Variants in PTPRD observed in about 807,000 individuals in gnomAD.
The protein encoded by PTPRD is receptor-type tyrosine-protein phosphatase delta.
In PTPRD, 34 loss-of-function variants were observed where a neutral mutation model predicts 214.5. The ratio of observed to expected loss-of-function variants is 0.16; its 90% CI spans 0.12 to 0.21. PTPRD has a LOEUF of 0.21. PTPRD is among the 10% of genes least tolerant of loss of function. The probability of loss-of-function intolerance (pLI) is 1.00; values close to 1 mark genes in which losing one functional copy is unlikely to be tolerated. For synonymous variants in PTPRD, 1,128 were observed against 845.7 expected (o/e 1.33, Z -5.79); for missense variants, 2,545 against 2,398.7 (o/e 1.06, Z -1.27).
At chr9:10,142,110 T>A (rs972346269) in intron 3 of PTPRD, among the ~76,000 whole-genome samples, 1 of 152,012 alleles carries the variant, frequency 6.6e-6, no homozygotes, top group Admixed American at 6.6e-5. Flanking sequence ...TTACACCTTA[T>A]ACAAAAATCA....
At chr9:10,559,824 G>C (rs972727982) in intron 2 of PTPRD, among the ~76,000 whole-genome samples, 2 of 152,024 alleles carry the variant, frequency 1.3e-5, no homozygotes, top group Non-Finnish European at 2.9e-5. Flanking sequence ...ACCATCACTG[G>C]CCATCAGAGA....
At chr9:8,962,679 T>C (rs572284867) in intron 11 of PTPRD, 1 of 152,238 alleles carries the variant, frequency 6.6e-6, no homozygotes, top group African/African-American at 2.4e-5. Flanking sequence ...AAAATTACCA[T>C]ATTCTAAAAT....
At chr9:9,035,666 C>G (rs569963340) in intron 10 of PTPRD, among the ~76,000 whole-genome samples, 1 of 151,494 alleles carries the variant, frequency 6.6e-6, no homozygotes, top group Non-Finnish European at 1.5e-5. Context: ...ATGGTGCTGT[C>G]AAGTCCTCTT....
intron 11 of PTPRD, among the ~76,000 whole-genome samples, chr9:8,762,343 T>C (rs1331610148): frequency 6.6e-6 from 1 of 152,180 alleles, no homozygotes; most frequent in African/African-American, 2.4e-5. Context: ...GTTAGGACTA[T>C]ATCAATAAAA....
intron 14 of PTPRD, among the ~76,000 whole-genome samples, chr9:8,590,738 T>A (rs1185937281): frequency 1.3e-5 from 2 of 152,166 alleles, no homozygotes; most frequent in African/African-American, 2.4e-5. Flanking sequence ...ATACTAGGGA[T>A]TTGCATGCAA....
At chr9:9,527,017 G>C (rs2074281674) in intron 8 of PTPRD, among the ~76,000 whole-genome samples, 1 of 151,960 alleles carries the variant, frequency 6.6e-6, no homozygotes, top group Non-Finnish European at 1.5e-5. Flanking sequence ...TTTTTACCTT[G>C]CCAAGTAAAA....
intron 2 of PTPRD, among the ~76,000 whole-genome samples, chr9:10,533,793 T>C (rs1404200161): frequency 6.6e-6 from 1 of 151,858 alleles, no homozygotes; most frequent in Admixed American, 6.6e-5. Flanking sequence ...TATCTATGTT[T>C]TAAAGCCATA....
At chr9:8,937,099 T>C (rs1445283665) in intron 11 of PTPRD, among the ~76,000 whole-genome samples, 2 of 152,034 alleles carry the variant, frequency 1.3e-5, no homozygotes, top group Non-Finnish European at 2.9e-5. Flanking sequence ...TTTTACCGCA[T>C]CATAATGTAT....
chr9:10,361,365 T>A (rs2097386419), intron 2 of PTPRD, among the ~76,000 whole-genome samples: 1 of 152,172 alleles, frequency 6.6e-6, no homozygotes, highest in Non-Finnish European at 1.5e-5. Context: ...TAGTTTGATG[T>A]CACAGATTTT....
intron 5 of PTPRD, among the ~76,000 whole-genome samples, chr9:9,837,425 G>C (rs560256306): frequency 2.6e-4 from 39 of 152,188 alleles, no homozygotes; most frequent in African/African-American, 9.4e-4. Context: ...CCAAATTTTA[G>C]GTTCTCTTTT....
intron 14 of PTPRD, among the ~76,000 whole-genome samples, chr9:8,571,444 G>A (rs1403727943): frequency 6.6e-6 from 1 of 152,038 alleles, no homozygotes; most frequent in East Asian, 1.9e-4. Context: ...TCTAAAGTTT[G>A]GCATGCAGAA....
chr9:9,153,381 G>C (rs1207698834), intron 10 of PTPRD, among the ~76,000 whole-genome samples: 1 of 152,144 alleles, frequency 6.6e-6, no homozygotes, highest in African/African-American at 2.4e-5. Context: ...GTGTGCCTGA[G>C]TATATGTGTG....
chr9:10,279,795 T>C (rs945055394), intron 3 of PTPRD, among the ~76,000 whole-genome samples: 2 of 152,062 alleles, frequency 1.3e-5, no homozygotes, highest in Non-Finnish European at 2.9e-5. Flanking sequence ...GCGTAGTCAC[T>C]AAGTGTGGGT....
At chr9:9,873,578 G>T (rs913721983) in intron 5 of PTPRD, among the ~76,000 whole-genome samples, 3 of 151,936 alleles carry the variant, frequency 2.0e-5, no homozygotes, top group African/African-American at 7.3e-5. Flanking sequence ...AGGAAATACT[G>T]CTCCCTTCCT....
intron 9 of PTPRD, among the ~76,000 whole-genome samples, chr9:9,381,489 T>C (rs545197556): frequency 3.2e-4 from 48 of 151,888 alleles, no homozygotes; most frequent in Admixed American, 5.9e-4. Context: ...GCCTCCTGTG[T>C]AGCTAGGACT....
rs556444187 is a variant in PTPRD, at chr9:9,730,645, T to TA, written c.-287+3887dup. On this transcript the variant is annotated intron_variant, in intron 7 of 45. Coordinates refer to ENST00000381196, the MANE Select transcript of PTPRD (RefSeq NM_002839.4). ...AAATATATGTAGAATTGGGTTTTAT[T>TA]AAAAACTTACTAGGATAATAGTATC... Among the ~76,000 whole-genome samples the TA allele has an allele frequency of 3.2e-3, 483 of 152,226 alleles. 5 individuals carry two copies. Among genetic ancestry groups the TA allele is most frequent in the South Asian group, 0.021 (101 of 4,824 alleles).
intron 5 of PTPRD, among the ~76,000 whole-genome samples, chr9:9,884,045 A>G (rs1294743150): frequency 6.6e-6 from 1 of 152,106 alleles, no homozygotes; most frequent in East Asian, 1.9e-4. Flanking sequence ...TACATTATCT[A>G]AGACTTATTC....
At chr9:9,251,381 C>G (rs903921427) in intron 9 of PTPRD, among the ~76,000 whole-genome samples, 1 of 152,102 alleles carries the variant, frequency 6.6e-6, no homozygotes, top group African/African-American at 2.4e-5. Flanking sequence ...TTCTATATCC[C>G]TATACATATT....
At chr9:10,246,949 A>C (rs2092211844) in intron 3 of PTPRD, among the ~76,000 whole-genome samples, 1 of 151,724 alleles carries the variant, frequency 6.6e-6, no homozygotes, top group Admixed American at 6.6e-5. Flanking sequence ...AAAACAAATA[A>C]AATAAAATGT....
Sources: allele counts gnomAD v4.1 joint callset (sites outside exome capture counted in the v4.1 genomes callset), GRCh38; gene constraint gnomAD v4.1.1; transcripts MANE v1.5; gene names NCBI Gene and HGNC (gene_info 2026-07-23, HGNC 2026-07-21).